CBFB: variants seen among roughly 807,000 people sequenced by gnomAD.
CBFB encodes core-binding factor subunit beta.
A neutral mutation model predicts 30.4 loss-of-function variants in CBFB; 9 were observed. The ratio of observed to expected loss-of-function variants is 0.30; its 90% CI spans 0.18 to 0.52. The LOEUF is 0.52. Among genes scored for constraint, CBFB ranks in the 20% least tolerant of loss-of-function variants. The probability of loss-of-function intolerance (pLI) is 0.97; values close to 1 mark genes in which losing one functional copy is unlikely to be tolerated. For synonymous variants in CBFB, 94 were observed against 84.0 expected, an observed-to-expected ratio of 1.12 and a Z score of -0.65; for missense variants, 170 against 244.0, an observed-to-expected ratio of 0.70 and a Z score of 2.02.
intron 2 of CBFB, among the ~76,000 whole-genome samples, chr16:67,031,888 A>G (rs1966356989): frequency 6.6e-6 from 1 of 151,548 alleles, no homozygotes; most frequent in Admixed American, 6.6e-5. Context: ...GTTCACAGGC[A>G]CAATCATGAG....
intron 3 of CBFB, among the ~76,000 whole-genome samples, chr16:67,046,512 A>G (rs1012117774): frequency 6.6e-6 from 1 of 151,918 alleles, no homozygotes; most frequent in Non-Finnish European, 1.5e-5. Context: ...TCCCATTTTC[A>G]CTTGTAGTTT....
intron 5 of CBFB, among the ~76,000 whole-genome samples, chr16:67,098,261 A>G (rs1365579400): frequency 6.6e-6 from 1 of 151,988 alleles, no homozygotes; most frequent in African/African-American, 2.4e-5. Context: ...TCAGCCTCCC[A>G]AGTTGCTGGG....
intron 5 of CBFB, among the ~76,000 whole-genome samples, chr16:67,097,094 G>T (rs1024294343): frequency 6.6e-6 from 1 of 152,088 alleles, no homozygotes; most frequent in African/African-American, 2.4e-5. Flanking sequence ...AATTAGCCAG[G>T]TGTGGTGGCG....
chr16:67,075,197 A>ATATGTGTGTG (rs369475383), intron 4 of CBFB, among the ~76,000 whole-genome samples: 5,167 of 142,688 alleles, frequency 0.036, 153 homozygotes, highest in Non-Finnish European at 0.046. Flanking sequence ...CTCAAAAAAA[A>ATATGTGTGTG]TGTGTGTGTG....
intron 3 of CBFB, among the ~76,000 whole-genome samples, chr16:67,051,733 G>T (rs1960546888): frequency 6.6e-6 from 1 of 150,780 alleles, no homozygotes; most frequent in Non-Finnish European, 1.5e-5. Context: ...TGTATTATAT[G>T]ATTTTGGTGT....
intron 3 of CBFB, among the ~76,000 whole-genome samples, chr16:67,064,034 AG>A (rs1397442926): frequency 6.6e-6 from 1 of 152,212 alleles, no homozygotes; most frequent in Admixed American, 6.5e-5. Context: ...GTAAATGAAA[AG>A]CCTCGTTAAT....
chr16:67,065,099 A>G (rs1961016203), intron 3 of CBFB, among the ~76,000 whole-genome samples: 1 of 152,118 alleles, frequency 6.6e-6, no homozygotes. Flanking sequence ...GGGTTTTGCC[A>G]TGTTGGCCAG....
chr16:67,091,718 T>C (rs1045914452), intron 5 of CBFB, among the ~76,000 whole-genome samples: 5 of 152,242 alleles, frequency 3.3e-5, no homozygotes, highest in Non-Finnish European at 5.9e-5. Context: ...CTGACTTTTT[T>C]TTACCCTTTT....
Position 67,099,725 on chromosome 16 carries a change from GA to G in CBFB, c.*951del. The G allele has an allele frequency of 4.9e-6, 1 of 204,736 alleles. No individual in the cohort carries two copies. Among genetic ancestry groups the G allele is most frequent in the African/African-American group, 2.3e-5 (1 of 43,768 alleles). The allele number at this position is 204,736 out of a possible 1,614,324, so 12.7% of individuals were successfully genotyped here. On this transcript the variant is annotated 3_prime_UTR_variant, in exon 6 of 6. Coordinates refer to ENST00000412916, the MANE Select transcript of CBFB (RefSeq NM_022845.3). Reference sequence around the variant, plus strand: ...AGGGATTTTTTTAAAAAGTCAATCAGAAAAGGGATACTGGAGCTTCTTCATG... The same window carrying G: ...AGGGATTTTTTTAAAAAGTCAATCAGAAAGGGATACTGGAGCTTCTTCATG...
Position 67,095,210 on chromosome 16 carries a change from C to CAAAAA in CBFB, c.496-3478_496-3474dup, listed in dbSNP as rs71145959. Among the ~76,000 whole-genome samples, 13 of 27,092 alleles carry CAAAAA rather than the reference C, an allele frequency of 4.8e-4. 2 individuals carry two copies. Among genetic ancestry groups the CAAAAA allele is most frequent in the African/African-American group, 1.6e-3 (13 of 8,370 alleles). The allele number at this position is 27,092 out of a possible 152,430, so 17.8% of individuals were successfully genotyped here. ...AGGCAACAAGAGCAAAAGTGTGTCT[C>CAAAAA]AAAAAAAAAAAAAAAAAAAAAAAAA... On this transcript the variant is annotated intron_variant, in intron 5 of 5. Coordinates refer to ENST00000412916, the MANE Select transcript of CBFB (RefSeq NM_022845.3).
intron 4 of CBFB, among the ~76,000 whole-genome samples, chr16:67,079,915 G>A (rs562502048): frequency 6.6e-6 from 1 of 152,272 alleles, no homozygotes; most frequent in African/African-American, 2.4e-5. Context: ...GGGAGGCCAA[G>A]TCAGGCAAAT....
chr16:67,058,642 A>T (rs569639303), intron 3 of CBFB, among the ~76,000 whole-genome samples: 41 of 152,320 alleles, frequency 2.7e-4, no homozygotes, highest in Non-Finnish European at 4.1e-4. Context: ...GGATCTTTTC[A>T]AATGGAAATT....
At chr16:67,031,941 C>T (rs1340143812) in intron 2 of CBFB, among the ~76,000 whole-genome samples, 5 of 152,248 alleles carry the variant, frequency 3.3e-5, no homozygotes, top group African/African-American at 4.8e-5. Flanking sequence ...ATCCTCTTGC[C>T]TCAGCCTCCC....
chr16:67,043,608 T>A lies in CBFB; in HGVS notation c.282+6853T>A, dbSNP rs72796192. 4.9e-3 allele frequency among the ~76,000 whole-genome samples: 744 copies of A among 152,314 alleles called. 3 individuals carry two copies. The highest frequency in any genetic ancestry group is 0.01 in the Middle Eastern group (3 of 294). ...CAGAAATGATTTAAACTAATAACAG[T>A]ATAATAGAAAGAGCTCTAGATTTGA... On this transcript the variant is annotated intron_variant, in intron 3 of 5. Transcript: ENST00000412916.
At chr16:67,081,630 A>G (rs1961557688) in intron 4 of CBFB, among the ~76,000 whole-genome samples, 1 of 151,846 alleles carries the variant, frequency 6.6e-6, no homozygotes, top group African/African-American at 2.4e-5. Context: ...AGCAAGACCC[A>G]GTCTCTACAA....
At chr16:67,082,374 T>G (rs1391020226) in intron 5 of CBFB, 66 bp downstream of exon 5, 7 of 1,581,078 alleles carry the variant, frequency 4.4e-6, no homozygotes, top group South Asian at 3.5e-5. Flanking sequence ...AGGCTGTGTT[T>G]GTGATGTTTG....
In CBFB at chr16:67,072,966, G is replaced by T. The variant is rs143733043; in HGVS notation, c.399+6168G>T. Among the ~76,000 whole-genome samples, 974 of 152,162 alleles carry T rather than the reference G, an allele frequency of 6.4e-3. 3 individuals are homozygous for T. The highest frequency in any genetic ancestry group is 0.011 in the Non-Finnish European group (736 of 68,006). On this transcript the variant is annotated intron_variant, in intron 4 of 5. Transcript: ENST00000412916. ...GGCTTCAAACGATCCTCCTGCCACA[G>T]CCTCCCAAAGCACTAGGATTATAGG...
chr16:67,051,523 T>C (rs1383502000), intron 3 of CBFB, among the ~76,000 whole-genome samples: 1 of 152,056 alleles, frequency 6.6e-6, no homozygotes, highest in Non-Finnish European at 1.5e-5. Context: ...GATCCAGTTT[T>C]ATACTCATTA....
chr16:67,051,941 ACACG>A (rs1341423266), intron 3 of CBFB, among the ~76,000 whole-genome samples: 4 of 147,688 alleles, frequency 2.7e-5, no homozygotes, highest in Non-Finnish European at 4.4e-5. Flanking sequence ...ACACACACAC[ACACG>A]CATACATATA....
Sources: allele counts gnomAD v4.1 joint callset (sites outside exome capture counted in the v4.1 genomes callset), GRCh38; gene constraint gnomAD v4.1.1; transcripts MANE v1.5; gene names NCBI Gene and HGNC (gene_info 2026-07-23, HGNC 2026-07-21).